The following NEDD1 variants were observed in gnomAD, a reference collection of about 807,000 sequenced individuals.
NEDD1 encodes protein NEDD1.
In NEDD1, 33 loss-of-function variants were observed where a neutral mutation model predicts 74.0. The ratio of observed to expected loss-of-function variants is 0.45; its 90% confidence interval spans 0.34 to 0.60. The LOEUF is 0.60. Among genes scored for constraint, NEDD1 ranks in the 20% least tolerant of loss-of-function variants. NEDD1 has a pLI of 0.01. For missense variants in NEDD1, 746 were observed against 776.5 expected (o/e 0.96, Z 0.47); for synonymous variants, 250 against 264.4 (o/e 0.95, Z 0.53).
rs1399495330 is a variant in NEDD1, at chr12:96,952,654, A to G, written c.*601A>G. On this transcript the variant is annotated 3_prime_UTR_variant, in exon 16 of 16. Coordinates refer to ENST00000266742, the MANE Select transcript of NEDD1 (RefSeq NM_152905.4). Reference sequence around the variant, plus strand: ...AAATTACATGATATCTTTTGCATTTATGTTACTATATTGTACTTCTGACAA... The same window carrying G: ...AAATTACATGATATCTTTTGCATTTGTGTTACTATATTGTACTTCTGACAA... The G allele has an allele frequency of 2.6e-5, 4 of 151,766 alleles. No individual in the cohort carries two copies. Among genetic ancestry groups the G allele is most frequent in the Non-Finnish European group, 5.9e-5 (4 of 67,720 alleles). 9.4% of individuals were successfully genotyped at this position (151,766 alleles called of 1,614,324 possible).
At chr12:96,934,761 C>T (rs757090425) in intron 6 of NEDD1, among the ~76,000 whole-genome samples, 1 of 152,016 alleles carries the variant, frequency 6.6e-6, no homozygotes, top group Non-Finnish European at 1.5e-5. Context: ...TGGTCTTGAA[C>T]GCCTGACCTC....
intron 3 of NEDD1, chr12:96,912,512 AAAG>A (rs1239715293): frequency 5.2e-6 from 2 of 384,012 alleles, no homozygotes; most frequent in Non-Finnish European, 9.2e-6. Context: ...GCAGAGCCAG[AAAG>A]AAGGCTAGTT....
Position 96,925,971 on chromosome 12 carries a change from C to T in NEDD1, c.489+5846C>T, listed in dbSNP as rs571201516. On this transcript the variant is annotated intron_variant, in intron 6 of 15. Transcript: ENST00000266742. ...TAGCTCAGTGAACTTGAACAAGTTACTTAACTCTCAAGCCTCCTTTTCCTT... is the reference window on the plus strand; with the variant it reads ...TAGCTCAGTGAACTTGAACAAGTTATTTAACTCTCAAGCCTCCTTTTCCTT... Among the ~76,000 whole-genome samples the T allele has an allele frequency of 1.8e-4, 27 of 152,194 alleles. 2 individuals are homozygous for T. Among genetic ancestry groups the T allele is most frequent in the Admixed American group, 8.5e-4 (13 of 15,294 alleles).
chr12:96,907,640 G>A lies in NEDD1; in HGVS notation c.-225G>A. The A allele has an allele frequency of 2.6e-6, 4 of 1,550,910 alleles. No homozygotes were observed. Among genetic ancestry groups the A allele is most frequent in the Non-Finnish European group, 2.6e-6 (3 of 1,146,316 alleles). ...CATTTTACAGGTTAGCCTCACTTGAGCTGTTGTCCTGCAAGTAAAGTGTAT... is the reference window on the plus strand; with the variant it reads ...CATTTTACAGGTTAGCCTCACTTGAACTGTTGTCCTGCAAGTAAAGTGTAT... On this transcript the variant is annotated 5_prime_UTR_variant, in exon 2 of 16. Transcript: ENST00000266742.
Position 96,919,972 on chromosome 12 carries a change from T to C in NEDD1, c.349-13T>C, listed in dbSNP as rs1212720483. 5.0e-6 allele frequency: 8 copies of C among 1,589,398 alleles called. No individual in the cohort carries two copies. The highest frequency in any genetic ancestry group is 6.9e-6 in the Non-Finnish European group (8 of 1,162,726). ...TATGGGGCAGTGTACTTACTTTCAT[T>C]TCTCTCTTTCAGGATCATAAAGATC... is the stretch of plus-strand genomic sequence containing the variant. On this transcript the variant is annotated splice_polypyrimidine_tract_variant and intron_variant, in intron 5 of 15. Transcript: ENST00000266742.
chr12:96,935,308 TC>T (rs754885884), intron 7 of NEDD1, 103 bp downstream of exon 7: 3 of 695,150 alleles, frequency 4.3e-6, no homozygotes, highest in Non-Finnish European at 7.4e-6. Flanking sequence ...TGTCCAGGGG[TC>T]CTAAAGTTTG....
At chr12:96,926,318 G>A (rs1189281622) in intron 6 of NEDD1, among the ~76,000 whole-genome samples, 3 of 151,908 alleles carry the variant, frequency 2.0e-5, no homozygotes, top group Non-Finnish European at 4.4e-5. Context: ...AGAGTCTGTT[G>A]GTTTTTTTCC....
At position 96,920,078 on chromosome 12, in the gene NEDD1, G is replaced by A. The variant is rs544401880; in HGVS notation, c.442G>A (p.Val148Ile). The A allele has an allele frequency of 1.2e-6, 2 of 1,604,752 alleles. No homozygotes were observed. The highest frequency in any genetic ancestry group is 1.3e-5 in the African/African-American group (1 of 74,756). The change falls in exon 6 of 16, where the codon GTA becomes ATA. Residue 148 changes from valine (V) to isoleucine (I), a missense_variant. By Grantham distance (29) the Val-to-Ile change is conservative (BLOSUM62 3). Transcript: ENST00000266742. Reference protein sequence around the residue: ...SLSGEIILHSVTTNLSSTPFG... With the variant: ...SLSGEIILHSITTNLSSTPFG... ...TAGTGGTGAAATTATTTTACACAGT[G>A]TAACCACTAATTTATCTAGTACTCC...
chr12:96,909,979 A>G lies in NEDD1; in HGVS notation c.136+84A>G, dbSNP rs1182338477. The G allele has an allele frequency of 7.6e-6, 11 of 1,449,248 alleles. No individual in the cohort carries two copies. In the African/African-American group the frequency reaches 1.2e-4, roughly 15 times the overall value. The allele number at this position is 1,449,248 out of a possible 1,614,324, so 89.8% of individuals were successfully genotyped here. A position where few individuals can be genotyped will look rare whatever the true frequency, so the allele number is the denominator to read the frequency against. ...CAACCACTGTCAATGAAACTTTTGC[A>G]TGTGCCTCATACTGAGTAATGTGTT... On this transcript the variant is annotated intron_variant, in intron 3 of 15. Coordinates refer to ENST00000266742, the MANE Select transcript of NEDD1 (RefSeq NM_152905.4).
intron 3 of NEDD1, among the ~76,000 whole-genome samples, chr12:96,911,766 A>G (rs947407272): frequency 6.6e-6 from 1 of 152,176 alleles, no homozygotes; most frequent in African/African-American, 2.4e-5. Context: ...CTATGGTAAT[A>G]TCTAGGTAGG....
Position 96,945,713 on chromosome 12 carries a change from G to T in NEDD1, c.1675G>T (p.Val559Phe). The change falls in exon 14 of 16, where the codon GTC becomes TTC. Residue 559 changes from valine to phenylalanine, a missense_variant. Physicochemically the swap from Val to Phe is conservative, Grantham distance 50. Around this residue, in one of 3 missense-constraint regions of NEDD1, gnomAD observed 706 missense variants for 706.7 expected, o/e 1.00. Coordinates refer to ENST00000266742, the MANE Select transcript of NEDD1 (RefSeq NM_152905.4). ...TTTAGATCCAAAGATAGCATCTTCT[G>T]TCACTGCTGGAGTTGCCAGTTCACT... ...STPNPKIASS[V>F]TAGVASSLSE... 7.5e-6 allele frequency: 12 copies of T among 1,601,600 alleles called. No individual in the cohort carries two copies. Among genetic ancestry groups the T allele is most frequent in the Non-Finnish European group, 1.0e-5 (12 of 1,169,018 alleles).
At chr12:96,929,556 TACACACACACAC>T (rs71078436) in intron 6 of NEDD1, among the ~76,000 whole-genome samples, 5,424 of 127,708 alleles carry the variant, frequency 0.042, 367 homozygotes, top group African/African-American at 0.14. Context: ...TTTTCATGTA[TACACACACACAC>T]ACACACACAC....
chr12:96,910,936 A>G (rs540518085), intron 3 of NEDD1, among the ~76,000 whole-genome samples: 1 of 152,366 alleles, frequency 6.6e-6, no homozygotes, highest in East Asian at 1.9e-4. Flanking sequence ...TGGTTCAGGA[A>G]CAAAAATATT....
rs147069264 is a variant in NEDD1 at position 96,931,755 on chromosome 12, A to AGTAT, written c.490-3219_490-3216dup. 1.0e-2 allele frequency among the ~76,000 whole-genome samples: 1,519 copies of AGTAT among 152,328 alleles called. 64 individuals are homozygous for AGTAT. Among genetic ancestry groups the AGTAT allele is most frequent in the East Asian group, 0.094 (489 of 5,184 alleles). ...ACATTGACATGGCTGTTTATAATGA[A>AGTAT]GTATGATTCCAGGTTTTCTGTTGAT... On this transcript the variant is annotated intron_variant, in intron 6 of 15. Coordinates refer to ENST00000266742, the MANE Select transcript of NEDD1 (RefSeq NM_152905.4).
chr12:96,915,658 G>T (rs965634993), intron 4 of NEDD1, among the ~76,000 whole-genome samples: 1 of 152,114 alleles, frequency 6.6e-6, no homozygotes, highest in Non-Finnish European at 1.5e-5. Flanking sequence ...GCATCTAAAG[G>T]TTACTTAGGA....
intron 2 of NEDD1, among the ~76,000 whole-genome samples, chr12:96,908,294 C>G (rs1318976483): frequency 5.3e-5 from 8 of 152,142 alleles, no homozygotes; most frequent in Non-Finnish European, 7.3e-5. Flanking sequence ...TTCTATAATT[C>G]TGTCTTTAAC....
In NEDD1 at chr12:96,936,731, G is replaced by A; in HGVS notation, c.840G>A (p.Leu280=). 9 of 1,612,774 alleles carry A rather than the reference G, an allele frequency of 5.6e-6. No homozygotes were observed. Among genetic ancestry groups the A allele is most frequent in the Non-Finnish European group, 7.6e-6 (9 of 1,178,892 alleles). Reference sequence around the variant, plus strand: ...TATATCAATATGATTTAAGAATGTTGAAATCACCAGTTAAGACCATCAGTG... The same window carrying A: ...TATATCAATATGATTTAAGAATGTTAAAATCACCAGTTAAGACCATCAGTG... ...GKIYQYDLRM[L]KSPVKTISAH... is the part of the protein sequence containing the mutation. Residue 280 remains leucine, a synonymous_variant, in exon 8 of 16, where the codon TTG becomes TTA. Coordinates refer to ENST00000266742, the MANE Select transcript of NEDD1 (RefSeq NM_152905.4).
At chr12:96,949,416 A>T (rs1028884853) in intron 14 of NEDD1, among the ~76,000 whole-genome samples, 1 of 152,124 alleles carries the variant, frequency 6.6e-6, no homozygotes. Context: ...AAACATTAAA[A>T]ATTTTTTTTG....
intron 10 of NEDD1, among the ~76,000 whole-genome samples, chr12:96,941,282 GAAGT>G (rs1430619153): frequency 2.0e-5 from 3 of 152,028 alleles, no homozygotes; most frequent in African/African-American, 7.2e-5. Context: ...GCAGGATCTC[GAAGT>G]TGTTTCATCC....
Sources: allele counts gnomAD v4.1 joint callset (sites outside exome capture counted in the v4.1 genomes callset), GRCh38; gene constraint gnomAD v4.1.1; regional missense constraint gnomAD v4.1.1; transcripts MANE v1.5; gene names NCBI Gene and HGNC (gene_info 2026-07-23, HGNC 2026-07-21).